The following DCAF6 variants were observed in gnomAD, a reference collection of about 807,000 sequenced individuals.
DCAF6 encodes the protein DDB1 and CUL4 associated factor 6, also known as DDB1- and CUL4-associated factor 6.
A neutral mutation model predicts 125.1 loss-of-function variants in DCAF6; 54 were observed. The observed-to-expected ratio is 0.43, with a 90% CI of 0.35 to 0.54. DCAF6 has a LOEUF of 0.54. Among genes scored for constraint, DCAF6 ranks in the 20% least tolerant of loss-of-function variants. The pLI is 0.01. For missense variants in DCAF6, 934 were observed against 1,161.7 expected (o/e 0.80, Z 2.85); for synonymous variants, 371 against 390.4 (o/e 0.95, Z 0.58).
chr1:168,035,727 C>T (rs1687719039), intron 12 of DCAF6, among the ~76,000 whole-genome samples: 1 of 152,152 alleles, frequency 6.6e-6, no homozygotes, highest in Non-Finnish European at 1.5e-5. Flanking sequence ...CAATATTTGA[C>T]ATGTTTTGTA....
rs771727508 is a variant in DCAF6 at position 167,987,545 on chromosome 1, T to C, written c.489T>C (p.Asp163=). Residue 163 remains aspartate (D), a synonymous_variant, in exon 5 of 22, where the codon GAT becomes GAC. Coordinates refer to ENST00000367840, the MANE Select transcript of DCAF6 (RefSeq NM_001198956.2). The part of the protein sequence containing the change: ...DPYTFLSCGE[D]GTVRWFDTRI... The stretch of plus-strand genomic sequence containing the variant: ...ACACTTTTCTCTCTTGTGGTGAAGA[T>C]GGAACTGTTAGGTGGTTTGATACAC... 2 of 1,608,802 alleles carry C rather than the reference T, an allele frequency of 1.2e-6. No homozygotes were observed. Among genetic ancestry groups the C allele is most frequent in the Admixed American group, 1.7e-5 (1 of 59,992 alleles).
the DCAF6 span, among the ~76,000 whole-genome samples, chr1:167,916,486 C>T: frequency 6.6e-6 from 1 of 152,280 alleles, no homozygotes; most frequent in Admixed American, 6.5e-5. Context: ...GGATTACAGG[C>T]GTGAGCCACC....
chr1:167,894,165 A>C, the DCAF6 span, among the ~76,000 whole-genome samples: 19 of 152,172 alleles, frequency 1.2e-4, no homozygotes, highest in African/African-American at 4.1e-4. Flanking sequence ...TGTAGCTCAA[A>C]ACCTTGTTCA....
At chr1:167,972,366 A>T (rs1379222711) in intron 3 of DCAF6, among the ~76,000 whole-genome samples, 1 of 152,246 alleles carries the variant, frequency 6.6e-6, no homozygotes, top group East Asian at 1.9e-4. Flanking sequence ...TTAATAAATT[A>T]GAGAGTGGTA....
the DCAF6 span, chr1:167,924,613 AT>A: frequency 2.8e-6 from 3 of 1,078,972 alleles, no homozygotes; most frequent in Non-Finnish European, 3.9e-6. Flanking sequence ...CTGTCACCAA[AT>A]TTTAAAAACC....
At chr1:167,869,412 C>T in the DCAF6 span, among the ~76,000 whole-genome samples, 2 of 152,158 alleles carry the variant, frequency 1.3e-5, no homozygotes, top group Non-Finnish European at 2.9e-5. Context: ...AAGTGAGAGT[C>T]TCAAACGGGG....
chr1:168,031,698 A>ATT (rs1437447700), intron 12 of DCAF6, among the ~76,000 whole-genome samples: 30 of 147,560 alleles, frequency 2.0e-4, no homozygotes, highest in African/African-American at 6.4e-4. Context: ...GGCAGACTTG[A>ATT]TTTTTTTTTT....
chr1:167,889,914 G>A, the DCAF6 span, among the ~76,000 whole-genome samples: 3 of 152,012 alleles, frequency 2.0e-5, no homozygotes, highest in Admixed American at 2.0e-4. Flanking sequence ...ATTTATTTGG[G>A]TCTTTTCTCT....
chr1:167,926,548 C>T, the DCAF6 span, among the ~76,000 whole-genome samples: 9 of 152,208 alleles, frequency 5.9e-5, no homozygotes, highest in East Asian at 1.9e-4. Flanking sequence ...GCCAAGTCAG[C>T]GGTTCTCAAC....
chr1:168,067,565 A>G (rs144588042), intron 20 of DCAF6, among the ~76,000 whole-genome samples: 159 of 152,324 alleles, frequency 1.0e-3, no homozygotes, highest in African/African-American at 3.7e-3. Context: ...TGAGAGGGTA[A>G]ATGAACCATC....
chr1:167,953,261 C>T (rs1674261030), intron 2 of DCAF6, among the ~76,000 whole-genome samples: 1 of 152,078 alleles, frequency 6.6e-6, no homozygotes, highest in South Asian at 2.1e-4. Context: ...ACCTGTAAAG[C>T]TTACCTTCTC....
At chr1:167,903,433 G>A in the DCAF6 span, among the ~76,000 whole-genome samples, 11 of 151,762 alleles carry the variant, frequency 7.2e-5, no homozygotes, top group African/African-American at 1.9e-4. Flanking sequence ...GTGTGGGGGC[G>A]GGCGCCTGTA....
intron 20 of DCAF6, among the ~76,000 whole-genome samples, chr1:168,068,015 C>A (rs952620516): frequency 6.6e-6 from 1 of 152,168 alleles, no homozygotes. Context: ...GTTATCAGTT[C>A]TCCTATAGGG....
At chr1:167,884,886 C>T in the DCAF6 span, among the ~76,000 whole-genome samples, 5 of 151,992 alleles carry the variant, frequency 3.3e-5, no homozygotes, top group South Asian at 2.1e-4. Flanking sequence ...TTAGTAGAGA[C>T]GGGGTTTCAC....
intron 11 of DCAF6, among the ~76,000 whole-genome samples, chr1:168,019,232 T>A (rs1473136104): frequency 2.6e-5 from 4 of 152,100 alleles, no homozygotes; most frequent in African/African-American, 9.7e-5. Context: ...GTATTTTTGG[T>A]AGAGATGGGA....
At chr1:168,022,856 G>T in intron 11 of DCAF6, 132 bp from the exon 12 acceptor site, 2 of 776,852 alleles carry the variant, frequency 2.6e-6, no homozygotes. Flanking sequence ...TCACTGCTTG[G>T]GAATCACACC....
At chr1:167,971,507 G>A (rs967648132) in intron 3 of DCAF6, among the ~76,000 whole-genome samples, 3 of 152,106 alleles carry the variant, frequency 2.0e-5, no homozygotes, top group African/African-American at 7.2e-5. Context: ...TTTACCAAGG[G>A]ATTAAAAAAC....
intron 7 of DCAF6, among the ~76,000 whole-genome samples, chr1:167,995,773 A>G (rs929262002): frequency 5.3e-5 from 8 of 152,168 alleles, no homozygotes; most frequent in Non-Finnish European, 1.0e-4. Flanking sequence ...TAATTCTGAC[A>G]CATTTTGGTG....
intron 4 of DCAF6, among the ~76,000 whole-genome samples, chr1:167,985,226 G>A (rs1475754450): frequency 6.6e-6 from 1 of 151,024 alleles, no homozygotes; most frequent in Non-Finnish European, 1.5e-5. Context: ...GTGTGTGTGT[G>A]GTGTGTGTGT....
Sources: gnomAD v4.1 joint callset for allele counts (sites outside exome capture counted in the v4.1 genomes callset) on GRCh38, gnomAD v4.1.1 for gene constraint, MANE v1.5 for transcripts, NCBI Gene and HGNC (gene_info 2026-07-23, HGNC 2026-07-21) for gene names.